The following LRRCC1 variants were observed in gnomAD, a reference collection of about 807,000 sequenced individuals.
LRRCC1 encodes leucine-rich repeat and coiled-coil domain-containing protein 1.
A neutral mutation model predicts 126.0 loss-of-function variants in LRRCC1; 115 were observed. The observed-to-expected ratio is 0.91, with a 90% CI of 0.78 to 1.07. The LOEUF is 1.07. LRRCC1 is among the 50% of genes least tolerant of loss of function. The pLI, the probability that LRRCC1 is intolerant of heterozygous loss-of-function variation, is 0.00. For missense variants in LRRCC1, 1,172 were observed against 1,175.7 expected (o/e 1.00, Z 0.05); for synonymous variants, 400 against 393.4 (o/e 1.02, Z -0.20).
At chr8:85,119,124 A>G (rs1809330739) in intron 6 of LRRCC1, among the ~76,000 whole-genome samples, 1 of 152,060 alleles carries the variant, frequency 6.6e-6, no homozygotes, top group Non-Finnish European at 1.5e-5. Flanking sequence ...AAAAAATCAA[A>G]TCAACTTACA....
Position 85,107,318 on chromosome 8 carries a change from T to C in LRRCC1, c.23T>C (p.Val8Ala). MEAAAAV[V>A]AAEAEVENED... ...GCTATGGAGGCGGCGGCGGCGGTGG[T>C]GGCGGCAGAGGCGGAAGTGGAAAAC... is the stretch of plus-strand genomic sequence containing the variant. The change falls in exon 1 of 19, where the codon GTG becomes GCG. Residue 8 changes from valine (V) to alanine (A), a missense_variant. By Grantham distance (64) the Val-to-Ala change is moderately conservative. Transcript: ENST00000360375. The C allele has an allele frequency of 1.2e-6, 2 of 1,612,492 alleles. No homozygotes were observed. The highest frequency in any genetic ancestry group is 1.7e-6 in the Non-Finnish European group (2 of 1,179,512).
At chr8:85,130,110 A>C (rs1810339398) in intron 11 of LRRCC1, 52 bp downstream of exon 11, 19 of 1,357,082 alleles carry the variant, frequency 1.4e-5, no homozygotes, top group South Asian at 3.0e-5. Context: ...AAGAAAAAGA[A>C]AGCTACTGGT....
Position 85,124,772 on chromosome 8 carries a change from C to A in LRRCC1, c.1125-20C>A. 1 of 1,450,018 alleles carries A rather than the reference C, an allele frequency of 6.9e-7. No homozygotes were observed. The highest frequency in any genetic ancestry group is 9.3e-7 in the Non-Finnish European group (1 of 1,079,450). The allele number at this position is 1,450,018 out of a possible 1,614,324, so 89.8% of individuals were successfully genotyped here. ...GAACACTACTTTTTTGAGTTATTTT[C>A]TATGTTTCATTCTTTACAGTTGTAA... is the stretch of plus-strand genomic sequence containing the variant. On this transcript the variant is annotated intron_variant, in intron 7 of 18. Coordinates refer to ENST00000360375, the MANE Select transcript of LRRCC1 (RefSeq NM_033402.5).
rs745930008 is a variant in LRRCC1 at position 85,129,972 on chromosome 8, A to G, written c.1680A>G (p.Ile560Met). ...AAGCTTCAGCTGCCGATAGAGAAAT[A>G]TACTTACTTAGAACTTCCCTTCATC... is the stretch of plus-strand genomic sequence containing the variant. ...ELKASAADREIYLLRTSLHRE... is the reference protein window; with the variant it reads ...ELKASAADREMYLLRTSLHRE... The change falls in exon 11 of 19, where the codon ATA (isoleucine) becomes ATG (methionine). Residue 560 changes from isoleucine to methionine, a missense_variant. Coordinates refer to ENST00000360375, the MANE Select transcript of LRRCC1 (RefSeq NM_033402.5). 6.2e-7 allele frequency: 1 copy of G among 1,601,792 alleles called. No individual in the cohort carries two copies. Among genetic ancestry groups the G allele is most frequent in the Non-Finnish European group, 8.5e-7 (1 of 1,175,702 alleles).
chr8:85,144,930 G>A (rs1395312232), intron 18 of LRRCC1, among the ~76,000 whole-genome samples: 2 of 149,394 alleles, frequency 1.3e-5, no homozygotes, highest in Non-Finnish European at 3.0e-5. Context: ...AAATAAAAAA[G>A]TTAGCCGGGC....
chr8:85,125,670 CAAAAA>C lies in LRRCC1; in HGVS notation c.1272+746_1272+750del, dbSNP rs71273921. 7.9e-3 allele frequency among the ~76,000 whole-genome samples: 411 copies of C among 51,926 alleles called. 8 individuals carry two copies. Among genetic ancestry groups the C allele is most frequent in the Middle Eastern group, 0.037 (3 of 82 alleles). The allele number at this position is 51,926 out of a possible 152,430, so 34.1% of individuals were successfully genotyped here. A position where few individuals can be genotyped will look rare whatever the true frequency, so the allele number is the denominator to read the frequency against. On this transcript the variant is annotated intron_variant, in intron 8 of 18. Transcript: ENST00000360375. ...CCTGGGCGACAGAGCGAGACTCCGTCAAAAAAAAAAAAAAAAAAAGAGGTGTTCAA... is the reference window on the plus strand; with the variant it reads ...CCTGGGCGACAGAGCGAGACTCCGTCAAAAAAAAAAAAAAGAGGTGTTCAA...
chr8:85,121,422 T>TTTTTGTTTTGTTTTG (rs539081432), intron 6 of LRRCC1, among the ~76,000 whole-genome samples: 1 of 152,064 alleles, frequency 6.6e-6, no homozygotes, highest in African/African-American at 2.4e-5. Context: ...TTTGTTTTGT[T>TTTTTGTTTTGTTTTG]TTTTGTTTTG....
At chr8:85,108,898 G>A (rs1808476572) in intron 1 of LRRCC1, 1 of 152,218 alleles carries the variant, frequency 6.6e-6, no homozygotes, top group Non-Finnish European at 1.5e-5. Flanking sequence ...AGTAATTGGA[G>A]TGAAGAGATG....
Position 85,130,071 on chromosome 8 carries a change from T to C in LRRCC1, c.1766+13T>C, listed in dbSNP as rs768916451. The C allele has an allele frequency of 3.2e-6, 5 of 1,548,360 alleles. No homozygotes were observed. Among genetic ancestry groups the C allele is most frequent in the Non-Finnish European group, 4.3e-6 (5 of 1,154,814 alleles). ...AACAGGAACACAGGTAAATGAAAAA[T>C]GTATCAGGAATGTATTGGCATTTAA... On this transcript the variant is annotated intron_variant, in intron 11 of 18. Coordinates refer to ENST00000360375, the MANE Select transcript of LRRCC1 (RefSeq NM_033402.5).
intron 6 of LRRCC1, among the ~76,000 whole-genome samples, chr8:85,122,847 T>C (rs73261887): frequency 5.7e-4 from 87 of 152,320 alleles, no homozygotes; most frequent in African/African-American, 2.0e-3. Context: ...TCAAAGAGTG[T>C]TGACATTTTT....
At chr8:85,122,803 T>C (rs1809670236) in intron 6 of LRRCC1, among the ~76,000 whole-genome samples, 1 of 152,250 alleles carries the variant, frequency 6.6e-6, no homozygotes, top group Non-Finnish European at 1.5e-5. Context: ...TGTGAATGTT[T>C]CGTTGTAGAT....
rs376182400 is a variant in LRRCC1, at chr8:85,124,957, A to G, written c.1272+18A>G. 5.7e-4 allele frequency: 876 copies of G among 1,547,250 alleles called. 3 individuals are homozygous for G. Among genetic ancestry groups the G allele is most frequent in the South Asian group, 1.9e-3 (150 of 80,214 alleles). On this transcript the variant is annotated intron_variant, in intron 8 of 18. Coordinates refer to ENST00000360375, the MANE Select transcript of LRRCC1 (RefSeq NM_033402.5). ...CTTACCAGGTATGATTTAAGAGTTA[A>G]AGAAAAAATGAGTATGAATAATTTT... is the stretch of plus-strand genomic sequence containing the variant.
chr8:85,144,470 A>ATT (rs1563963624), intron 18 of LRRCC1, among the ~76,000 whole-genome samples: 1 of 18,026 alleles, frequency 5.5e-5, no homozygotes, highest in African/African-American at 3.3e-4. Flanking sequence ...ATATATATAT[A>ATT]TATATTTTTT....
At chr8:85,135,136 C>A in intron 13 of LRRCC1, 104 bp downstream of exon 13, 1 of 734,434 alleles carries the variant, frequency 1.4e-6, no homozygotes, top group Non-Finnish European at 2.1e-6. Context: ...TTAAATGATA[C>A]TAATTATATA....
intron 3 of LRRCC1, 124 bp downstream of exon 3, chr8:85,110,304 C>A: frequency 2.3e-6 from 1 of 443,446 alleles, no homozygotes; most frequent in Non-Finnish European, 4.1e-6. Context: ...AAGAGCTCAT[C>A]TAGAGAGCGT....
At chr8:85,140,285 T>A (rs1288877685) in intron 17 of LRRCC1, among the ~76,000 whole-genome samples, 1 of 152,200 alleles carries the variant, frequency 6.6e-6, no homozygotes, top group Non-Finnish European at 1.5e-5. Flanking sequence ...GTTTTACTTG[T>A]ATAGCTTTTT....
intron 4 of LRRCC1, among the ~76,000 whole-genome samples, chr8:85,113,331 G>T (rs1444741852): frequency 6.6e-6 from 1 of 152,030 alleles, no homozygotes; most frequent in Non-Finnish European, 1.5e-5. Context: ...TTTGATAAGT[G>T]AATGCCTCAA....
At chr8:85,128,340 T>C (rs1441466788) in intron 9 of LRRCC1, among the ~76,000 whole-genome samples, 1 of 152,166 alleles carries the variant, frequency 6.6e-6, no homozygotes, top group African/African-American at 2.4e-5. Context: ...AACCTATTGT[T>C]GTGCCCGTGT....
intron 18 of LRRCC1, among the ~76,000 whole-genome samples, chr8:85,142,611 G>A (rs1303318958): frequency 6.6e-6 from 1 of 151,894 alleles, no homozygotes; most frequent in Admixed American, 6.6e-5. Flanking sequence ...TGGTGGATCA[G>A]TTGAGCTAAG....
Sources: allele counts gnomAD v4.1 joint callset (sites outside exome capture counted in the v4.1 genomes callset), GRCh38; gene constraint gnomAD v4.1.1; transcripts MANE v1.5; gene names NCBI Gene and HGNC (gene_info 2026-07-23, HGNC 2026-07-21).